FNDC3A: variants seen among roughly 807,000 people sequenced by gnomAD.
FNDC3A encodes the protein fibronectin type III domain containing 3A, also known as fibronectin type-III domain-containing protein 3A.
Under a neutral mutation model 148.9 loss-of-function variants are expected in FNDC3A, and 32 were observed. The ratio of observed to expected loss-of-function variants is 0.21; its 90% confidence interval spans 0.16 to 0.29. The LOEUF (loss-of-function observed/expected upper bound fraction) is 0.29. FNDC3A is among the 10% of genes least tolerant of loss of function. The pLI, the probability that FNDC3A is intolerant of heterozygous loss-of-function variation, is 1.00. For synonymous variants in FNDC3A, 472 were observed against 473.6 expected (o/e 1.00, Z 0.04); for missense variants, 1,191 against 1,452.8 (o/e 0.82, Z 2.93).
At chr13:49,054,653 T>G (rs77748566) in intron 2 of FNDC3A, among the ~76,000 whole-genome samples, 116 of 152,322 alleles carry the variant, frequency 7.6e-4, no homozygotes, top group African/African-American at 2.7e-3. Context: ...AAGGCAGAGA[T>G]GGACTCACAT....
rs538667190 is a variant in FNDC3A at position 49,137,589 on chromosome 13, C to T, written c.760+988C>T. ...CCAACTCCTAGGCTCAAGCAGTCCA[C>T]CCACCTTGACCTTCCAGTGTGCTAA... On this transcript the variant is annotated intron_variant, in intron 6 of 25. Transcript: ENST00000492622. Among the ~76,000 whole-genome samples the T allele has an allele frequency of 2.3e-4, 35 of 152,330 alleles. No homozygotes were observed. In the South Asian group the frequency reaches 6.6e-3, roughly 29 times the overall value.
At chr13:49,200,452 C>T in intron 23 of FNDC3A, among the ~76,000 whole-genome samples, 1 of 151,996 alleles carries the variant, frequency 6.6e-6, no homozygotes, top group Non-Finnish European at 1.5e-5. Context: ...GATTATTTGC[C>T]TTGTACAGGT....
intron 13 of FNDC3A, among the ~76,000 whole-genome samples, chr13:49,176,707 C>A (rs113276213): frequency 6.6e-6 from 1 of 152,136 alleles, no homozygotes; most frequent in Non-Finnish European, 1.5e-5. Flanking sequence ...ACTCCTAATA[C>A]AGTAAGTATT....
At chr13:49,033,266 A>T (rs1269980815) in intron 2 of FNDC3A, among the ~76,000 whole-genome samples, 1 of 152,216 alleles carries the variant, frequency 6.6e-6, no homozygotes, top group Admixed American at 6.5e-5. Context: ...AGCAGATGCT[A>T]CTGCACTTCT....
chr13:49,035,924 A>G (rs1326304508), intron 2 of FNDC3A, among the ~76,000 whole-genome samples: 7 of 152,076 alleles, frequency 4.6e-5, no homozygotes, highest in African/African-American at 7.2e-5. Context: ...CTTATCTTTT[A>G]TTTGCAAATC....
chr13:48,988,565 G>T (rs1020840326), intron 1 of FNDC3A, among the ~76,000 whole-genome samples: 10 of 152,184 alleles, frequency 6.6e-5, no homozygotes, highest in African/African-American at 2.4e-4. Context: ...AGTATGGCCA[G>T]GTGCTTGGCT....
At position 49,006,274 on chromosome 13, in the gene FNDC3A, A is replaced by T. The variant is rs1272984166; in HGVS notation, c.84A>T (p.Ala28=). ...TTTTGTCTGCCCCTATTGTAAGTGC[A>T]GATGGAACACAACAGGTAAGAAAAC... ...ISLLSAPIVS[A]DGTQQVILVQ... Residue 28 remains alanine, a synonymous_variant, in exon 2 of 26, where the codon GCA becomes GCT. Coordinates refer to ENST00000492622, the MANE Select transcript of FNDC3A (RefSeq NM_001079673.2). 1 of 1,596,046 alleles carries T rather than the reference A, an allele frequency of 6.3e-7. No individual in the cohort carries two copies. The highest frequency in any genetic ancestry group is 1.1e-5 in the South Asian group (1 of 90,544).
rs1886243591 is a variant in FNDC3A at position 49,198,126 on chromosome 13, G to T, written c.2635G>T (p.Ala879Ser). 6.2e-7 allele frequency: 1 copy of T among 1,614,028 alleles called. No individual in the cohort carries two copies. Among genetic ancestry groups the T allele is most frequent in the Non-Finnish European group, 8.5e-7 (1 of 1,180,034 alleles). The change falls in exon 22 of 26, where the codon GCA (alanine) becomes TCA (serine). Residue 879 changes from alanine (A) to serine (S), a missense_variant. Transcript: ENST00000492622. Reference sequence around the variant, plus strand: ...CCATTATTCACCTTCTACATGCCTTGCAATAAGCTGGGAAAAGCCTTGTGA... The same window carrying T: ...CCATTATTCACCTTCTACATGCCTTTCAATAAGCTGGGAAAAGCCTTGTGA... ...NPHYSPSTCL[A>S]ISWEKPCDHG...
chr13:49,131,038 C>T (rs890410023), intron 4 of FNDC3A, 99 bp from the exon 5 acceptor site: 1 of 880,124 alleles, frequency 1.1e-6, no homozygotes, highest in African/African-American at 1.6e-5. Context: ...AGTGCTGGGA[C>T]TAGAGGCATG....
Position 49,110,226 on chromosome 13 carries a change from T to C in FNDC3A, c.176-4429T>C, listed in dbSNP as rs1387989332. 4 of 745,354 alleles carry C rather than the reference T, an allele frequency of 5.4e-6. No homozygotes were observed. The East Asian group carries it at 1.3e-4, about 23-fold the overall frequency. The allele number at this position is 745,354 out of a possible 1,614,324, so 46.2% of individuals were successfully genotyped here. On this transcript the variant is annotated intron_variant, in intron 3 of 25. Coordinates refer to ENST00000492622, the MANE Select transcript of FNDC3A (RefSeq NM_001079673.2). ...TTTGCTTTTTTTTCCCCCTTGCCCT[T>C]TCCTGGGTCACTGCAGGTCACGTGA...
At chr13:49,111,619 G>A (rs566962815) in intron 3 of FNDC3A, among the ~76,000 whole-genome samples, 4 of 151,784 alleles carry the variant, frequency 2.6e-5, no homozygotes, top group Admixed American at 6.6e-5. Context: ...CCAGCTACTC[G>A]GGAGGCTGAA....
At position 49,142,175 on chromosome 13, in the gene FNDC3A, A is replaced by G. The variant is rs573166015; in HGVS notation, c.819+3370A>G. Reference sequence around the variant, plus strand: ...TACTAATCTGTTCATGTAGAACTGTATCTCCTGAGGCACGCTAAAGAATAC... The same window carrying G: ...TACTAATCTGTTCATGTAGAACTGTGTCTCCTGAGGCACGCTAAAGAATAC... On this transcript the variant is annotated intron_variant, in intron 7 of 25. Transcript: ENST00000492622. Among the ~76,000 whole-genome samples the G allele has an allele frequency of 3.9e-5, 6 of 152,346 alleles. No homozygotes were observed. In the South Asian group the frequency reaches 1.2e-3, roughly 32 times the overall value.
At chr13:49,056,485 A>T (rs1432101580) in intron 2 of FNDC3A, among the ~76,000 whole-genome samples, 2 of 152,138 alleles carry the variant, frequency 1.3e-5, no homozygotes, top group Admixed American at 6.5e-5. Context: ...TTGAGAATTC[A>T]TGTCATTAAG....
At chr13:49,044,858 CA>C in intron 2 of FNDC3A, 1 of 343,406 alleles carries the variant, frequency 2.9e-6, no homozygotes, top group Non-Finnish European at 5.8e-6. Flanking sequence ...GTGCAAGGTT[CA>C]AAAACTTGAT....
intron 8 of FNDC3A, among the ~76,000 whole-genome samples, chr13:49,157,962 T>G (rs1368194563): frequency 6.0e-5 from 9 of 149,234 alleles, no homozygotes; most frequent in Admixed American, 1.3e-4. Context: ...CAGAGGTTAC[T>G]GCTGTCTTTT....
chr13:49,015,421 G>A (rs1013059693), intron 2 of FNDC3A, among the ~76,000 whole-genome samples: 3 of 152,018 alleles, frequency 2.0e-5, no homozygotes, highest in South Asian at 2.1e-4. Context: ...GGTGTATAAG[G>A]ATGCTTGTGA....
At chr13:48,979,268 TGGG>T (rs923804836) in intron 1 of FNDC3A, among the ~76,000 whole-genome samples, 2 of 152,120 alleles carry the variant, frequency 1.3e-5, no homozygotes, top group Non-Finnish European at 1.5e-5. Flanking sequence ...ACAAATTAGT[TGGG>T]GGTACTAGAC....
chr13:49,119,079 G>T (rs1881161520), intron 4 of FNDC3A, among the ~76,000 whole-genome samples: 3 of 152,204 alleles, frequency 2.0e-5, no homozygotes, highest in Admixed American at 2.0e-4. Flanking sequence ...TTCCAGCAGG[G>T]TCGACAGACA....
intron 4 of FNDC3A, among the ~76,000 whole-genome samples, chr13:49,124,736 T>C (rs185949386): frequency 3.3e-5 from 5 of 152,238 alleles, no homozygotes; most frequent in Non-Finnish European, 7.4e-5. Context: ...AATTAAGTTA[T>C]CAAATGAGGA....
Sources: gnomAD v4.1 joint callset for allele counts (sites outside exome capture counted in the v4.1 genomes callset) on GRCh38, gnomAD v4.1.1 for gene constraint, MANE v1.5 for transcripts, NCBI Gene and HGNC (gene_info 2026-07-23, HGNC 2026-07-21) for gene names.